Variants in NFIX observed in about 807,000 individuals in gnomAD.
The protein encoded by NFIX is nuclear factor 1 X-type.
A neutral mutation model predicts 53.3 loss-of-function variants in NFIX; 2 were observed. The ratio of observed to expected loss-of-function variants is 0.04; its 90% CI spans 0.02 to 0.12. The LOEUF is 0.12. Ranked by LOEUF, NFIX falls within the 10% of genes least tolerant of loss-of-function variation. The probability of loss-of-function intolerance (pLI) is 1.00; values close to 1 mark genes in which losing one functional copy is unlikely to be tolerated. For missense variants in NFIX, 310 were observed against 674.5 expected (o/e 0.46, Z 5.99); for synonymous variants, 244 against 289.0 (o/e 0.84, Z 1.58).
Position 13,089,111 on chromosome 19 carries a change from C to CCT in NFIX, c.1402+979_1402+980dup, listed in dbSNP as rs1357275338. Among the ~76,000 whole-genome samples the CCT allele has an allele frequency of 6.6e-6, 1 of 152,090 alleles. No individual in the cohort carries two copies. The highest frequency in any genetic ancestry group is 2.4e-5 in the African/African-American group (1 of 41,406). ...TTTCTCGTGGTTTGAGTTCTTTTCC[C>CCT]CTCTCCATCCTCTTCATGCCATCTT... is the stretch of plus-strand genomic sequence containing the variant. On this transcript the variant is annotated intron_variant, in intron 9 of 10. Coordinates refer to ENST00000592199, the MANE Select transcript of NFIX (RefSeq NM_001365902.3). The surrounding 1 kb of genome is among the most constrained non-coding windows in gnomAD (Gnocchi z 4.8).
intron 8 of NFIX, among the ~76,000 whole-genome samples, chr19:13,087,059 T>A (rs2017822146): frequency 6.6e-6 from 1 of 152,192 alleles, no homozygotes; most frequent in Non-Finnish European, 1.5e-5. Context: ...GCAGTGGTCA[T>A]CAGGGTCCTG....
intron 1 of NFIX, among the ~76,000 whole-genome samples, chr19:13,019,543 ACT>A: frequency 6.8e-6 from 1 of 148,090 alleles, no homozygotes; most frequent in South Asian, 2.2e-4. Context: ...CTAGCTTGGC[ACT>A]CTCTCTCCAG....
At position 13,002,696 on chromosome 19, in the gene NFIX, G is replaced by T. The variant is rs1258267955; in HGVS notation, c.27+6832G>T. ...TTGCCACCACTACCGATGTGGCTGC[G>T]CCAGCCAGGGAGGGGAGGCGGGTAG... On this transcript the variant is annotated intron_variant, in intron 1 of 10. Coordinates refer to ENST00000592199, the MANE Select transcript of NFIX (RefSeq NM_001365902.3). This position sits in a 1 kb window ranked among gnomAD's most constrained non-coding sequence, Gnocchi z 6.1. Among the ~76,000 whole-genome samples, 1 of 152,190 alleles carries T rather than the reference G, an allele frequency of 6.6e-6. No homozygotes were observed. Among genetic ancestry groups the T allele is most frequent in the Non-Finnish European group, 1.5e-5 (1 of 68,022 alleles).
In NFIX at chr19:13,005,944, C is replaced by T. The variant is rs536661507; in HGVS notation, c.27+10080C>T. ...TCCCACACCTTGCTGGGCACCCAGC[C>T]GGAGCTCAAATGCTGGGGGTGCAGC... On this transcript the variant is annotated intron_variant, in intron 1 of 10. Transcript: ENST00000592199. The surrounding 1 kb of genome is among the most constrained non-coding windows in gnomAD (Gnocchi z 4.7). 2.5e-4 allele frequency among the ~76,000 whole-genome samples: 38 copies of T among 152,312 alleles called. No individual in the cohort carries two copies. The highest frequency in any genetic ancestry group is 3.9e-4 in the East Asian group (2 of 5,182).
At chr19:13,017,750 C>A (rs575420978) in intron 1 of NFIX, among the ~76,000 whole-genome samples, 27 of 152,362 alleles carry the variant, frequency 1.8e-4, no homozygotes, top group Middle Eastern at 3.4e-3. Flanking sequence ...TCACAGTGTG[C>A]TGGGCACAGA....
intron 2 of NFIX, among the ~76,000 whole-genome samples, chr19:13,055,056 TTCTC>T (rs1426951273): frequency 6.6e-6 from 1 of 151,784 alleles, no homozygotes; most frequent in Non-Finnish European, 1.5e-5. Context: ...TTTCCCTTCC[TTCTC>T]TCTCTCCCCC....
At position 13,025,836 on chromosome 19, in the gene NFIX, C is replaced by G. The variant is rs2013299229; in HGVS notation, c.559+284C>G. Among the ~76,000 whole-genome samples, 1 of 152,206 alleles carries G rather than the reference C, an allele frequency of 6.6e-6. No individual in the cohort carries two copies. Among genetic ancestry groups the G allele is most frequent in the South Asian group, 2.1e-4 (1 of 4,832 alleles). On this transcript the variant is annotated intron_variant, in intron 2 of 10. Transcript: ENST00000592199. This position sits in a 1 kb window ranked among gnomAD's most constrained non-coding sequence, Gnocchi z 7.5. ...ATCTGATCAGAAAGATGCTGCAGGTCTTAGGATTGGGGACATGATGCCCCC... is the reference window on the plus strand; with the variant it reads ...ATCTGATCAGAAAGATGCTGCAGGTGTTAGGATTGGGGACATGATGCCCCC...
rs1248655640 is a variant in NFIX at position 12,998,499 on chromosome 19, C to G, written c.27+2635C>G. 6.6e-6 allele frequency among the ~76,000 whole-genome samples: 1 copy of G among 152,004 alleles called. No individual in the cohort carries two copies. The highest frequency in any genetic ancestry group is 2.4e-5 in the African/African-American group (1 of 41,372). ...TCCTTCTAGAAAAAGCATCGAAATT[C>G]AGGGCGGCCGGGTGGGGCGGTTCCT... is the stretch of plus-strand genomic sequence containing the variant. On this transcript the variant is annotated intron_variant, in intron 1 of 10. Transcript: ENST00000592199. This position sits in a 1 kb window ranked among gnomAD's most constrained non-coding sequence, Gnocchi z 4.4.
intron 2 of NFIX, among the ~76,000 whole-genome samples, chr19:13,061,082 A>ACCCCCCCCC (rs33987685): frequency 7.3e-6 from 1 of 136,786 alleles, no homozygotes; most frequent in Non-Finnish European, 1.6e-5. Flanking sequence ...GTGGCCTTAG[A>ACCCCCCCCC]CCCCCCCCTC....
In NFIX at chr19:12,995,805, C is replaced by A; in HGVS notation, c.-33C>A. The A allele has an allele frequency of 1.0e-6, 1 of 983,834 alleles. No individual in the cohort carries two copies. Among genetic ancestry groups the A allele is most frequent in the Non-Finnish European group, 1.2e-6 (1 of 829,546 alleles). The allele number at this position is 983,834 out of a possible 1,614,324, so 60.9% of individuals were successfully genotyped here. On this transcript the variant is annotated 5_prime_UTR_variant, in exon 1 of 11. Transcript: ENST00000592199. The stretch of plus-strand genomic sequence containing the variant: ...CCTGCCGGGCCTCCCCTCGCCGCGG[C>A]CGGCCGCCGCGCTCCCGCCCGGGCG...
intron 1 of NFIX, 158 bp from the exon 2 acceptor site, chr19:13,024,863 A>C (rs1015655296): frequency 7.6e-7 from 1 of 1,316,566 alleles, no homozygotes; most frequent in Non-Finnish European, 1.0e-6. Context: ...AACAATCGCA[A>C]GAGAAAATTG....
At chr19:13,055,376 G>T (rs2015598601) in intron 2 of NFIX, among the ~76,000 whole-genome samples, 1 of 152,144 alleles carries the variant, frequency 6.6e-6, no homozygotes, top group Non-Finnish European at 1.5e-5. Flanking sequence ...GCAGGGTGAG[G>T]GTCCCCCGAG....
At chr19:13,042,064 AT>A (rs34720058) in intron 2 of NFIX, among the ~76,000 whole-genome samples, 132,442 of 138,618 alleles carry the variant, frequency 0.96, 63,274 homozygotes, top group South Asian at 0.99. Flanking sequence ...CACCTGGCTA[AT>A]TTTTTTTTTT....
chr19:13,023,659 A>C, intron 1 of NFIX, among the ~76,000 whole-genome samples: 1 of 137,892 alleles, frequency 7.3e-6, no homozygotes. Flanking sequence ...CTGGAAGAGG[A>C]TGCACAGGGG....
At chr19:13,079,109 CCT>C (rs924010335) in intron 7 of NFIX, among the ~76,000 whole-genome samples, 1 of 152,264 alleles carries the variant, frequency 6.6e-6, no homozygotes, top group Non-Finnish European at 1.5e-5. Context: ...CCTGCCGGCT[CCT>C]CTCTCCCAGC....
chr19:12,999,680 C>T (rs752355098), intron 1 of NFIX, among the ~76,000 whole-genome samples: 22 of 152,190 alleles, frequency 1.4e-4, no homozygotes, highest in Admixed American at 5.9e-4. Context: ...TACAAGCAGC[C>T]GAACGTTCCT....
chr19:12,995,915 G>C, intron 1 of NFIX, 51 bp downstream of exon 1: 1 of 903,326 alleles, frequency 1.1e-6, no homozygotes, highest in Non-Finnish European at 1.3e-6. Context: ...GGCGCGGGAG[G>C]CCGGCCGGCG....
At chr19:13,024,467 G>A (rs1012608618) in intron 1 of NFIX, 24 of 1,467,146 alleles carry the variant, frequency 1.6e-5, no homozygotes, top group Admixed American at 1.6e-4. Context: ...TTCCTCACTC[G>A]CTTGCTCGTG....
chr19:13,071,563 T>C (rs766293714), intron 2 of NFIX, among the ~76,000 whole-genome samples: 1 of 152,214 alleles, frequency 6.6e-6, no homozygotes, highest in Non-Finnish European at 1.5e-5. Flanking sequence ...TGGTGAAGTA[T>C]ATCCTTCCAT....
Sources: allele counts gnomAD v4.1 joint callset (sites outside exome capture counted in the v4.1 genomes callset), GRCh38; gene constraint gnomAD v4.1.1; non-coding constraint Gnocchi (gnomAD v3.1); transcripts MANE v1.5; gene names NCBI Gene and HGNC (gene_info 2026-07-23, HGNC 2026-07-21).